Variants in TMEM131 observed in about 807,000 individuals in gnomAD.
TMEM131 encodes transmembrane protein 131, also known as 2610524E03Rik.
Under a neutral mutation model 211.6 loss-of-function variants are expected in TMEM131, and 66 were observed. That is an observed-to-expected ratio of 0.31 (90% CI 0.26 to 0.38). The LOEUF (loss-of-function observed/expected upper bound fraction) is 0.38. TMEM131 is among the 10% of genes least tolerant of loss of function. TMEM131 has a pLI of 1.00. For missense variants in TMEM131, 2,036 were observed against 2,299.3 expected, an observed-to-expected ratio of 0.89 and a Z score of 2.34; for synonymous variants, 844 against 841.3, an observed-to-expected ratio of 1.00 and a Z score of -0.06.
At chr2:97,936,472 C>T (rs1677450734) in intron 1 of TMEM131, among the ~76,000 whole-genome samples, 1 of 152,110 alleles carries the variant, frequency 6.6e-6, no homozygotes, top group South Asian at 2.1e-4. Context: ...TTTGATGTGC[C>T]CCAACACACA....
Position 97,796,767 on chromosome 2 carries a change from A to G in TMEM131, c.3013+77T>C. 4 of 1,440,578 alleles carry G rather than the reference A, an allele frequency of 2.8e-6. No homozygotes were observed. In the East Asian group the frequency reaches 6.8e-5, roughly 25 times the overall value. The allele number at this position is 1,440,578 out of a possible 1,614,324, so 89.2% of individuals were successfully genotyped here. On this transcript the variant is annotated intron_variant, in intron 27 of 40. Coordinates refer to ENST00000186436, the MANE Select transcript of TMEM131 (RefSeq NM_015348.2). ...TATACACAGGTGCACATACAGAAAT[A>G]ATGTTGTTTTTGAAATTATTTACTG...
At chr2:97,932,939 A>G (rs572856372) in intron 1 of TMEM131, among the ~76,000 whole-genome samples, 1 of 151,898 alleles carries the variant, frequency 6.6e-6, no homozygotes, top group South Asian at 2.1e-4. Flanking sequence ...GCTCCATAAG[A>G]TTATAATACT....
chr2:97,793,761 G>A (rs909042536), intron 29 of TMEM131, among the ~76,000 whole-genome samples: 29 of 151,666 alleles, frequency 1.9e-4, no homozygotes, highest in African/African-American at 6.3e-4. Context: ...TTGGGAGGCC[G>A]AGGCGGGTGG....
At chr2:97,897,265 T>C (rs934540461) in intron 3 of TMEM131, among the ~76,000 whole-genome samples, 9 of 152,104 alleles carry the variant, frequency 5.9e-5, no homozygotes, top group Non-Finnish European at 1.3e-4. Flanking sequence ...ATGGCTCTTA[T>C]TTCTGTTTCT....
intron 2 of TMEM131, among the ~76,000 whole-genome samples, chr2:97,912,163 T>C (rs1267047719): frequency 6.6e-6 from 1 of 152,138 alleles, no homozygotes; most frequent in Non-Finnish European, 1.5e-5. Flanking sequence ...ATTACAACAT[T>C]AATAACTTTA....
At position 97,910,306 on chromosome 2, in the gene TMEM131, T is replaced by C. The variant is rs11693779; in HGVS notation, c.250-1608A>G. 5.6e-3 allele frequency among the ~76,000 whole-genome samples: 847 copies of C among 152,288 alleles called. 12 individuals carry two copies. Among genetic ancestry groups the C allele is most frequent in the South Asian group, 0.025 (120 of 4,816 alleles). On this transcript the variant is annotated intron_variant, in intron 2 of 40. Coordinates refer to ENST00000186436, the MANE Select transcript of TMEM131 (RefSeq NM_015348.2). ...GAATATTAAAATGGTGTAGCCACTA[T>C]GGAAAACAGTATTGTGGTTCCCAAA...
chr2:97,793,208 A>G, intron 30 of TMEM131, 187 bp downstream of exon 30: 1 of 663,708 alleles, frequency 1.5e-6, no homozygotes, highest in South Asian at 2.2e-5. Flanking sequence ...CCTTACCAAT[A>G]TAATAAAAAC....
intron 2 of TMEM131, 136 bp from the exon 3 acceptor site, chr2:97,908,834 T>C (rs1676179380): frequency 3.2e-6 from 2 of 620,170 alleles, no homozygotes; most frequent in Non-Finnish European, 5.5e-6. Context: ...TTAAACCTGG[T>C]CTCCAAATCA....
At chr2:97,928,460 C>T (rs1677080124) in intron 1 of TMEM131, among the ~76,000 whole-genome samples, 1 of 151,684 alleles carries the variant, frequency 6.6e-6, no homozygotes, top group South Asian at 2.1e-4. Flanking sequence ...AAAAGTGAAT[C>T]TAAATGTATG....
Position 97,793,863 on chromosome 2 carries a change from G to A in TMEM131, c.3387-310C>T, listed in dbSNP as rs372083887. On this transcript the variant is annotated intron_variant, in intron 29 of 40. Coordinates refer to ENST00000186436, the MANE Select transcript of TMEM131 (RefSeq NM_015348.2). ...CAAAAAATTAGCCGGCCGTGGTGGC[G>A]GGCGCCTGTAGTCCCAGCTAGTCGG... Among the ~76,000 whole-genome samples the A allele has an allele frequency of 5.5e-4, 83 of 151,438 alleles. 1 individual carries two copies. Among genetic ancestry groups the A allele is most frequent in the African/African-American group, 1.8e-3 (76 of 41,316 alleles).
chr2:97,809,587 A>G, intron 19 of TMEM131, 101 bp downstream of exon 19: 1 of 776,110 alleles, frequency 1.3e-6, no homozygotes, highest in African/African-American at 1.7e-5. Context: ...ATAAATGACT[A>G]ATAAAGAATA....
intron 25 of TMEM131, among the ~76,000 whole-genome samples, chr2:97,797,811 A>G (rs1344497666): frequency 6.6e-6 from 1 of 152,218 alleles, no homozygotes; most frequent in Non-Finnish European, 1.5e-5. Flanking sequence ...TTTGTTTTTA[A>G]CCTAAAAATT....
chr2:97,959,547 A>G (rs1678723971), intron 1 of TMEM131, among the ~76,000 whole-genome samples: 1 of 146,496 alleles, frequency 6.8e-6, no homozygotes, highest in Non-Finnish European at 1.5e-5. Context: ...AAAAAAATAT[A>G]TATATGTCTG....
chr2:97,884,632 T>C (rs1353946605), intron 4 of TMEM131, among the ~76,000 whole-genome samples: 1 of 152,242 alleles, frequency 6.6e-6, no homozygotes, highest in African/African-American at 2.4e-5. Flanking sequence ...TTCCAACTGT[T>C]ATATTTTCTT....
intron 33 of TMEM131, among the ~76,000 whole-genome samples, chr2:97,766,863 T>G (rs997311241): frequency 2.0e-4 from 31 of 152,156 alleles, no homozygotes; most frequent in African/African-American, 7.2e-4. Flanking sequence ...GTCCATTATT[T>G]AATAATACGT....
chr2:97,897,540 TAAC>T (rs1423936210), intron 3 of TMEM131, among the ~76,000 whole-genome samples: 1 of 152,130 alleles, frequency 6.6e-6, no homozygotes, highest in East Asian at 1.9e-4. Context: ...AAAATTTTGT[TAAC>T]AAGAAAAATT....
chr2:97,814,734 AACT>A (rs1681736658), intron 13 of TMEM131, among the ~76,000 whole-genome samples: 1 of 152,338 alleles, frequency 6.6e-6, no homozygotes, highest in African/African-American at 2.4e-5. Flanking sequence ...TTGAGTATTA[AACT>A]ACTATTGGTT....
chr2:97,903,359 A>T (rs753514152), intron 3 of TMEM131, among the ~76,000 whole-genome samples: 50 of 152,326 alleles, frequency 3.3e-4, no homozygotes, highest in Admixed American at 5.2e-4. Context: ...TCTTAACTTC[A>T]ATCAGAATGT....
At chr2:97,868,919 G>A (rs1674381489) in intron 4 of TMEM131, among the ~76,000 whole-genome samples, 1 of 152,040 alleles carries the variant, frequency 6.6e-6, no homozygotes, top group African/African-American at 2.4e-5. Context: ...TAGGGAAATG[G>A]GTACAAACCA....
Sources: allele counts gnomAD v4.1 joint callset (sites outside exome capture counted in the v4.1 genomes callset), GRCh38; gene constraint gnomAD v4.1.1; transcripts MANE v1.5; gene names NCBI Gene and HGNC (gene_info 2026-07-23, HGNC 2026-07-21).